GLP1R: variants seen among roughly 807,000 people sequenced by gnomAD.
GLP1R encodes glucagon like peptide 1 receptor, also known as glucagon-like peptide 1 receptor.
Under a neutral mutation model 68.4 loss-of-function variants are expected in GLP1R, and 32 were observed. The ratio of observed to expected loss-of-function variants is 0.47; its 90% CI spans 0.35 to 0.63. The LOEUF is 0.63. GLP1R is among the 20% of genes least tolerant of loss of function. GLP1R has a pLI of 0.00. For missense variants in GLP1R, 502 were observed against 594.9 expected (o/e 0.84, Z 1.62); for synonymous variants, 263 against 244.4 (o/e 1.08, Z -0.71).
At chr6:39,078,870 G>A in intron 8 of GLP1R, 87 bp from the exon 9 acceptor site, 1 of 1,107,178 alleles carries the variant, frequency 9.0e-7, no homozygotes, top group South Asian at 1.3e-5. Flanking sequence ...ACATGGCCAT[G>A]TGCATTGGCG....
chr6:39,086,625 A>G lies in GLP1R; in HGVS notation c.*552A>G, dbSNP rs377280095. The G allele has an allele frequency of 6.6e-6, 1 of 152,542 alleles. No individual in the cohort carries two copies. The highest frequency in any genetic ancestry group is 1.5e-5 in the Non-Finnish European group (1 of 68,110). The allele number at this position is 152,542 out of a possible 1,614,324, so 9.4% of individuals were successfully genotyped here. ...TGTGTCTGGGTTGCTTATTTCCCTC[A>G]TCTTGCCCCCTCATCTCACTGCCCA... On this transcript the variant is annotated 3_prime_UTR_variant, in exon 13 of 13. Coordinates refer to ENST00000373256, the MANE Select transcript of GLP1R (RefSeq NM_002062.5). This position sits in a 1 kb window ranked among gnomAD's most constrained non-coding sequence, Gnocchi z 4.5.
rs538788334 is a variant in GLP1R, at chr6:39,070,513, C to T, written c.510-2349C>T. On this transcript the variant is annotated intron_variant, in intron 5 of 12. Transcript: ENST00000373256. ...GCCAGGTCTGACTACCACCTGCTTT[C>T]GCAATTTTACTATGTTAAGTTGTTC... Among the ~76,000 whole-genome samples the T allele has an allele frequency of 4.7e-4, 72 of 152,310 alleles. 1 individual carries two copies. Among genetic ancestry groups the T allele is most frequent in the African/African-American group, 1.6e-3 (67 of 41,558 alleles).
intron 4 of GLP1R, 100 bp downstream of exon 4, chr6:39,065,929 C>G: frequency 1.4e-6 from 1 of 718,930 alleles, no homozygotes; most frequent in Non-Finnish European, 2.5e-6. Flanking sequence ...CATCTGTGGT[C>G]ATTTCATCCA....
chr6:39,048,893 T>C lies in GLP1R; in HGVS notation c.53T>C (p.Val18Ala). Reference sequence around the variant, plus strand: ...CTTGCGCTGCTGCTGCTCGGGATGGTGGGCAGGGCCGGCCCCCGCCCCCAG... The same window carrying C: ...CTTGCGCTGCTGCTGCTCGGGATGGCGGGCAGGGCCGGCCCCCGCCCCCAG... ...LRLALLLLGM[V>A]GRAGPRPQGA... is the part of the protein sequence containing the mutation. The change falls in exon 1 of 13, where the codon GTG (valine) becomes GCG (alanine). Residue 18 changes from valine (V) to alanine (A), a missense_variant. Physicochemically the swap from Val to Ala is moderately conservative, Grantham distance 64. Coordinates refer to ENST00000373256, the MANE Select transcript of GLP1R (RefSeq NM_002062.5). 6.9e-7 allele frequency: 1 copy of C among 1,459,228 alleles called. No individual in the cohort carries two copies. Among genetic ancestry groups the C allele is most frequent in the Non-Finnish European group, 9.0e-7 (1 of 1,111,204 alleles). 90.4% of individuals were successfully genotyped at this position (1,459,228 alleles called of 1,614,324 possible).
At chr6:39,054,443 G>C (rs1768163597) in intron 1 of GLP1R, among the ~76,000 whole-genome samples, 1 of 149,866 alleles carries the variant, frequency 6.7e-6, no homozygotes, top group Non-Finnish European at 1.5e-5. Flanking sequence ...CCTCACCTAA[G>C]GGGGAGCCAC....
intron 3 of GLP1R, among the ~76,000 whole-genome samples, chr6:39,060,256 G>C (rs1768326622): frequency 2.6e-5 from 4 of 152,222 alleles, no homozygotes; most frequent in Non-Finnish European, 4.4e-5. Flanking sequence ...CTGATCAAGC[G>C]AGTAGCCTGT....
At position 39,065,779 on chromosome 6, in the gene GLP1R, C is replaced by T. The variant is rs200053872; in HGVS notation, c.352C>T (p.Leu118=). ...CTGGCTGCAGAAGGACAACTCCAGC[C>T]TGCCCTGGAGGGACTTGTCGGAGTG... ...GLWLQKDNSS[L]PWRDLSECEE... is the part of the protein sequence containing the mutation. Residue 118 remains leucine (L), a synonymous_variant, in exon 4 of 13, where the codon CTG becomes TTG. Coordinates refer to ENST00000373256, the MANE Select transcript of GLP1R (RefSeq NM_002062.5). 1 of 1,597,912 alleles carries T rather than the reference C, an allele frequency of 6.3e-7. No individual in the cohort carries two copies. The highest frequency in any genetic ancestry group is 1.3e-5 in the African/African-American group (1 of 74,794).
At chr6:39,058,179 C>G (rs1353673743) in intron 3 of GLP1R, among the ~76,000 whole-genome samples, 1 of 152,146 alleles carries the variant, frequency 6.6e-6, no homozygotes, top group African/African-American at 2.4e-5. Context: ...AGGAAAAGAG[C>G]TGGGTGGGGA....
At chr6:39,070,757 G>C (rs1232327590) in intron 5 of GLP1R, among the ~76,000 whole-genome samples, 1 of 151,390 alleles carries the variant, frequency 6.6e-6, no homozygotes, top group Non-Finnish European at 1.5e-5. Flanking sequence ...CATATCCTTT[G>C]CTTACTTTTT....
Position 39,087,661 on chromosome 6 carries a change from C to T in GLP1R, c.*1588C>T, listed in dbSNP as rs1769183239. 1 of 152,220 alleles carries T rather than the reference C, an allele frequency of 6.6e-6. No individual in the cohort carries two copies. Among genetic ancestry groups the T allele is most frequent in the African/African-American group, 2.4e-5 (1 of 41,460 alleles). 9.4% of individuals were successfully genotyped at this position (152,220 alleles called of 1,614,324 possible). A position where few individuals can be genotyped will look rare whatever the true frequency, so the allele number is the denominator to read the frequency against. ...CAAAACCTTTCCCCAGACACATTCT[C>T]CTGTGCCCCTCAGAGAGGCATGTGA... On this transcript the variant is annotated 3_prime_UTR_variant, in exon 13 of 13. Coordinates refer to ENST00000373256, the MANE Select transcript of GLP1R (RefSeq NM_002062.5).
In GLP1R at chr6:39,079,739, C is replaced by T. The variant is rs756630854; in HGVS notation, c.1182+37C>T. The stretch of plus-strand genomic sequence containing the variant: ...CTTGGGGACACTTGCTTGTAAAGTC[C>T]TAGAGTGGGGGTGGGACAGACACCA... On this transcript the variant is annotated intron_variant, in intron 11 of 12. Transcript: ENST00000373256. This position sits in a 1 kb window ranked among gnomAD's most constrained non-coding sequence, Gnocchi z 4.5. 2 of 1,584,778 alleles carry T rather than the reference C, an allele frequency of 1.3e-6. No homozygotes were observed. Among genetic ancestry groups the T allele is most frequent in the South Asian group, 2.2e-5 (2 of 89,914 alleles).
chr6:39,068,525 G>C lies in GLP1R; in HGVS notation c.509+2222G>C, dbSNP rs914673221. Among the ~76,000 whole-genome samples the C allele has an allele frequency of 2.0e-5, 3 of 152,210 alleles. No individual in the cohort carries two copies. The South Asian group carries it at 6.2e-4, about 32-fold the overall frequency. On this transcript the variant is annotated intron_variant, in intron 5 of 12. Transcript: ENST00000373256. ...TCTGCCTGGGCCCTGAGGCTCTCCA[G>C]GATATCCTTTGAAATCTAGGTCTTC...
At chr6:39,078,257 C>T (rs944579204) in intron 7 of GLP1R, 65 bp from the exon 8 acceptor site, 15 of 1,164,876 alleles carry the variant, frequency 1.3e-5, no homozygotes, top group African/African-American at 1.1e-4. Flanking sequence ...GGAGAGGCCT[C>T]GGCATGTAGA....
At chr6:39,058,328 G>A (rs1199645322) in intron 3 of GLP1R, among the ~76,000 whole-genome samples, 1 of 152,166 alleles carries the variant, frequency 6.6e-6, no homozygotes, top group Non-Finnish European at 1.5e-5. Flanking sequence ...ACTGGGAGAA[G>A]TGATCAGGGC....
At chr6:39,074,926 T>C (rs1768774197) in intron 7 of GLP1R, among the ~76,000 whole-genome samples, 1 of 152,174 alleles carries the variant, frequency 6.6e-6, no homozygotes, top group Admixed American at 6.5e-5. Context: ...CTCAGCCATT[T>C]TTCTCTATAC....
At chr6:39,074,653 C>T (rs918256765) in intron 7 of GLP1R, among the ~76,000 whole-genome samples, 2 of 152,128 alleles carry the variant, frequency 1.3e-5, no homozygotes, top group Non-Finnish European at 2.9e-5. Context: ...GCTCTGACCA[C>T]GGCTGCCCCT....
chr6:39,054,777 A>G (rs1768172219), intron 1 of GLP1R, among the ~76,000 whole-genome samples: 2 of 152,284 alleles, frequency 1.3e-5, no homozygotes, highest in East Asian at 3.9e-4. Flanking sequence ...CTCCACCCCC[A>G]GCAGCTGCTG....
At chr6:39,055,568 A>G (rs773066914) in intron 1 of GLP1R, among the ~76,000 whole-genome samples, 5 of 152,216 alleles carry the variant, frequency 3.3e-5, no homozygotes, top group African/African-American at 1.2e-4. Flanking sequence ...CCCTACTCAC[A>G]GGTGAGAGGG....
At chr6:39,077,024 T>C (rs1353165715) in intron 7 of GLP1R, among the ~76,000 whole-genome samples, 1 of 152,158 alleles carries the variant, frequency 6.6e-6, no homozygotes, top group East Asian at 1.9e-4. Context: ...GGGAACCAGT[T>C]GTATTAATTC....
Sources: gnomAD v4.1 joint callset for allele counts (sites outside exome capture counted in the v4.1 genomes callset) on GRCh38, gnomAD v4.1.1 for gene constraint, Gnocchi (gnomAD v3.1) non-coding constraint, MANE v1.5 for transcripts, NCBI Gene and HGNC (gene_info 2026-07-23, HGNC 2026-07-21) for gene names.